The following KLHL14 variants were observed in gnomAD, a reference collection of about 807,000 sequenced individuals.
KLHL14 encodes the protein kelch-like protein 14.
In KLHL14, 22 loss-of-function variants were observed where a neutral mutation model predicts 64.3. That is an observed-to-expected ratio of 0.34 (90% CI 0.24 to 0.49). The LOEUF (loss-of-function observed/expected upper bound fraction) is 0.49, where lower values mean the gene tolerates loss of function less well. Among genes scored for constraint, KLHL14 ranks in the 20% least tolerant of loss-of-function variants. The pLI, the probability that KLHL14 is intolerant of heterozygous loss-of-function variation, is 0.99. For missense variants in KLHL14, 661 were observed against 789.0 expected, an observed-to-expected ratio of 0.84 and a Z score of 1.94; for synonymous variants, 322 against 333.4, an observed-to-expected ratio of 0.97 and a Z score of 0.37.
chr18:32,725,337 C>T (rs957405109), intron 3 of KLHL14, among the ~76,000 whole-genome samples: 4 of 152,102 alleles, frequency 2.6e-5, no homozygotes, highest in East Asian at 1.9e-4. Context: ...GCCTTCCTTG[C>T]GTTTTTATTC....
chr18:32,719,793 A>G (rs2050067175), intron 3 of KLHL14, among the ~76,000 whole-genome samples: 2 of 152,240 alleles, frequency 1.3e-5, no homozygotes, highest in South Asian at 4.1e-4. Flanking sequence ...AGCTGTGACA[A>G]CACAGAGGAG....
chr18:32,686,814 A>G (rs1257015977), intron 5 of KLHL14, among the ~76,000 whole-genome samples: 2 of 152,176 alleles, frequency 1.3e-5, no homozygotes, highest in Non-Finnish European at 2.9e-5. Flanking sequence ...TTGCAAGTAT[A>G]GTATTTTATA....
intron 4 of KLHL14, among the ~76,000 whole-genome samples, chr18:32,687,519 T>C (rs566118163): frequency 1.3e-5 from 2 of 152,318 alleles, no homozygotes; most frequent in East Asian, 3.9e-4. Context: ...CTGGCTTTTG[T>C]TACAGTGTTA....
At position 32,727,035 on chromosome 18, in the gene KLHL14, G is replaced by A. The variant is rs979848325; in HGVS notation, c.1069+14893C>T. Among the ~76,000 whole-genome samples the A allele has an allele frequency of 3.9e-5, 6 of 152,332 alleles. No homozygotes were observed. In the South Asian group the frequency reaches 6.2e-4, roughly 16 times the overall value. ...CTTTGGAGAAAGAATTTCCCTATAT[G>A]GGAAGGCAGCTGAGCTATAAAGGGG... On this transcript the variant is annotated intron_variant, in intron 3 of 8. Coordinates refer to ENST00000359358, the MANE Select transcript of KLHL14 (RefSeq NM_020805.3).
chr18:32,675,680 C>T (rs1207880275), intron 8 of KLHL14, among the ~76,000 whole-genome samples: 1 of 152,088 alleles, frequency 6.6e-6, no homozygotes, highest in Non-Finnish European at 1.5e-5. Flanking sequence ...GTAACCTTTT[C>T]CTCCCCAAAC....
chr18:32,771,430 G>A (rs1449187950), intron 1 of KLHL14, among the ~76,000 whole-genome samples: 1 of 152,140 alleles, frequency 6.6e-6, no homozygotes, highest in East Asian at 1.9e-4. Flanking sequence ...TTCGCAAACT[G>A]TTGGCTTCCC....
chr18:32,736,128 G>A (rs1039247749), intron 3 of KLHL14, among the ~76,000 whole-genome samples: 5 of 152,136 alleles, frequency 3.3e-5, no homozygotes, highest in African/African-American at 1.2e-4. Flanking sequence ...ATATTCAAGA[G>A]AGGTATAAGC....
At chr18:32,688,559 G>C (rs1026370453) in intron 4 of KLHL14, among the ~76,000 whole-genome samples, 2 of 152,200 alleles carry the variant, frequency 1.3e-5, no homozygotes, top group African/African-American at 4.8e-5. Flanking sequence ...TGCAAGCCAT[G>C]CAAATATCTG....
Position 32,680,617 on chromosome 18 carries a change from C to G in KLHL14, c.1239-18G>C, listed in dbSNP as rs2049833966. The G allele has an allele frequency of 1.3e-6, 2 of 1,581,806 alleles. No individual in the cohort carries two copies. The highest frequency in any genetic ancestry group is 1.1e-5 in the South Asian group (1 of 88,202). The stretch of plus-strand genomic sequence containing the variant: ...TGGCTCTTCTACAATGAAAAGAACC[C>G]ACAGTAAATCACAAGAGGAGCTGTG... On this transcript the variant is annotated intron_variant, in intron 5 of 8. Coordinates refer to ENST00000359358, the MANE Select transcript of KLHL14 (RefSeq NM_020805.3). This position sits in a 1 kb window ranked among gnomAD's most constrained non-coding sequence, Gnocchi z 4.8.
At chr18:32,709,362 T>C (rs941306527) in intron 3 of KLHL14, among the ~76,000 whole-genome samples, 2 of 152,204 alleles carry the variant, frequency 1.3e-5, no homozygotes, top group Non-Finnish European at 2.9e-5. Context: ...AGACCTTTCC[T>C]GACAGTGCCA....
At chr18:32,740,521 C>T (rs189968929) in intron 3 of KLHL14, among the ~76,000 whole-genome samples, 1 of 152,264 alleles carries the variant, frequency 6.6e-6, no homozygotes, top group East Asian at 1.9e-4. Flanking sequence ...TCTCTCTCCT[C>T]CTCCTAGTCT....
At position 32,760,339 on chromosome 18, in the gene KLHL14, TACAC is replaced by T. The variant is rs60814600; in HGVS notation, c.947+9302_947+9305del. Among the ~76,000 whole-genome samples, 344 of 146,838 alleles carry T rather than the reference TACAC, an allele frequency of 2.3e-3. 3 individuals are homozygous for T. The highest frequency in any genetic ancestry group is 7.7e-3 in the African/African-American group (314 of 41,018). On this transcript the variant is annotated intron_variant, in intron 2 of 8. Transcript: ENST00000359358. ...TGATTGGACTGTGTACACACAGACATACACACACACACACACACACACATATACA... is the reference window on the plus strand; with the variant it reads ...TGATTGGACTGTGTACACACAGACATACACACACACACACACACATATACA...
At chr18:32,758,668 T>C (rs1448617690) in intron 2 of KLHL14, among the ~76,000 whole-genome samples, 1 of 152,184 alleles carries the variant, frequency 6.6e-6, no homozygotes, top group African/African-American at 2.4e-5. Flanking sequence ...GCATTATTCA[T>C]AATAGCAAAG....
chr18:32,677,840 GTTGAGAT>G (rs2144463102), intron 7 of KLHL14, among the ~76,000 whole-genome samples: 1 of 152,244 alleles, frequency 6.6e-6, no homozygotes, highest in Admixed American at 6.5e-5. Flanking sequence ...AAGTAGATAG[GTTGAGAT>G]TTGAATCCAG....
chr18:32,731,943 G>C (rs745532142), intron 3 of KLHL14, among the ~76,000 whole-genome samples: 11 of 152,122 alleles, frequency 7.2e-5, no homozygotes, highest in Admixed American at 2.6e-4. Context: ...GGTTTTGGCT[G>C]AGCGCGGTGG....
chr18:32,697,278 CATT>C (rs1424480554), intron 3 of KLHL14, among the ~76,000 whole-genome samples: 1 of 152,206 alleles, frequency 6.6e-6, no homozygotes, highest in Non-Finnish European at 1.5e-5. Context: ...ATTAGTTCAT[CATT>C]GTTTGGATCA....
At chr18:32,768,740 T>A (rs2050360604) in intron 2 of KLHL14, among the ~76,000 whole-genome samples, 1 of 152,196 alleles carries the variant, frequency 6.6e-6, no homozygotes, top group Admixed American at 6.5e-5. Context: ...GCAGCATTTT[T>A]AAAAGGCATC....
At chr18:32,685,128 G>C (rs16963675) in intron 5 of KLHL14, among the ~76,000 whole-genome samples, 4,069 of 152,112 alleles carry the variant, frequency 0.027, 150 homozygotes, top group African/African-American at 0.078. Flanking sequence ...TCCTGTCAAC[G>C]GTGGCTGCCG....
At chr18:32,760,749 AG>A (rs1169589626) in intron 2 of KLHL14, among the ~76,000 whole-genome samples, 1 of 152,216 alleles carries the variant, frequency 6.6e-6, no homozygotes, top group Non-Finnish European at 1.5e-5. Context: ...TAAGTTTATG[AG>A]ATTAAAAAGA....
Sources: allele counts gnomAD v4.1 joint callset (sites outside exome capture counted in the v4.1 genomes callset), GRCh38; gene constraint gnomAD v4.1.1; non-coding constraint Gnocchi (gnomAD v3.1); transcripts MANE v1.5; gene names NCBI Gene and HGNC (gene_info 2026-07-23, HGNC 2026-07-21).